The following MARCHF6 variants were observed in gnomAD, a reference collection of about 807,000 sequenced individuals.
The protein encoded by MARCHF6 is membrane associated ring-CH-type finger 6.
Under a neutral mutation model 133.7 loss-of-function variants are expected in MARCHF6, and 31 were observed. That is an observed-to-expected ratio of 0.23 (90% confidence interval 0.17 to 0.31). MARCHF6 has a LOEUF of 0.31. MARCHF6 is among the 10% of genes least tolerant of loss of function. The probability of loss-of-function intolerance (pLI) is 1.00; values close to 1 mark genes in which losing one functional copy is unlikely to be tolerated. For missense variants in MARCHF6, 723 were observed against 1,121.6 expected, an observed-to-expected ratio of 0.64 and a Z score of 5.08; for synonymous variants, 395 against 402.5, an observed-to-expected ratio of 0.98 and a Z score of 0.22.
intron 1 of MARCHF6, among the ~76,000 whole-genome samples, chr5:10,362,996 A>G (rs1260705290): frequency 6.6e-6 from 1 of 152,172 alleles, no homozygotes; most frequent in African/African-American, 2.4e-5. Flanking sequence ...TGTAGGAAAA[A>G]AAAAAGAACT....
chr5:10,426,773 A>G (rs1354289806), intron 24 of MARCHF6, among the ~76,000 whole-genome samples: 1 of 152,350 alleles, frequency 6.6e-6, no homozygotes, highest in Non-Finnish European at 1.5e-5. Context: ...CATGCTGTAC[A>G]AAATAGGCAG....
rs138210526 is a variant in MARCHF6, at chr5:10,357,330, C to T, written c.19+3413C>T. 3.2e-3 allele frequency among the ~76,000 whole-genome samples: 468 copies of T among 148,040 alleles called. 1 individual carries two copies. The highest frequency in any genetic ancestry group is 0.01 in the African/African-American group (417 of 40,124). ...ATTTTGTCATAGAATGCCCACATTT[C>T]GGCTCAGTGATATAAAGCTGAGGTT... is the stretch of plus-strand genomic sequence containing the variant. On this transcript the variant is annotated intron_variant, in intron 1 of 25. Coordinates refer to ENST00000274140, the MANE Select transcript of MARCHF6 (RefSeq NM_005885.4).
chr5:10,356,769 G>A (rs1735501521), intron 1 of MARCHF6, among the ~76,000 whole-genome samples: 1 of 152,026 alleles, frequency 6.6e-6, no homozygotes, highest in South Asian at 2.1e-4. Context: ...CACATCAACC[G>A]TGCGTATAGT....
intron 1 of MARCHF6, among the ~76,000 whole-genome samples, chr5:10,358,374 CAT>C (rs1735610218): frequency 6.6e-6 from 1 of 152,148 alleles, no homozygotes; most frequent in Admixed American, 6.5e-5. Context: ...TGACGTGAGA[CAT>C]AAATTGTCTT....
At chr5:10,355,173 A>T (rs1409197771) in intron 1 of MARCHF6, among the ~76,000 whole-genome samples, 7 of 152,220 alleles carry the variant, frequency 4.6e-5, no homozygotes, top group Admixed American at 4.6e-4. Flanking sequence ...CCCTTTCATT[A>T]TGCCACAGTG....
rs963990436 is a variant in MARCHF6, at chr5:10,435,164, A to T, written c.*1480A>T. ...ATAGACTAAAATCTGAGAATTTTTT[A>T]ACATATGCAAGTCAGCCAAACATAA... On this transcript the variant is annotated 3_prime_UTR_variant, in exon 26 of 26. Transcript: ENST00000274140. 2.0e-5 allele frequency: 3 copies of T among 152,770 alleles called. No homozygotes were observed. The highest frequency in any genetic ancestry group is 6.5e-5 in the Admixed American group (1 of 15,310). 9.5% of individuals were successfully genotyped at this position (152,770 alleles called of 1,614,324 possible).
At chr5:10,382,973 C>T (rs1207165804) in intron 4 of MARCHF6, among the ~76,000 whole-genome samples, 3 of 152,054 alleles carry the variant, frequency 2.0e-5, no homozygotes, top group African/African-American at 7.2e-5. Flanking sequence ...CTCTTGGATT[C>T]TTTGTTGTTC....
chr5:10,390,334 A>G lies in MARCHF6; in HGVS notation c.410A>G (p.Glu137Gly), dbSNP rs1396215933. 1 of 1,607,900 alleles carries G rather than the reference A, an allele frequency of 6.2e-7. No homozygotes were observed. Among genetic ancestry groups the G allele is most frequent in the Non-Finnish European group, 8.5e-7 (1 of 1,178,254 alleles). Residue 137 changes from glutamate to glycine, a missense_variant and splice_region_variant, in exon 6 of 26, where the codon GAA (glutamate) becomes GGA (glycine). Transcript: ENST00000274140. ...LTLPLDMLSTENLLADCLQGC... is the reference protein window; with the variant it reads ...LTLPLDMLSTGNLLADCLQGC... The stretch of plus-strand genomic sequence containing the variant: ...ATATGTACTTTTTTTTTTAATAGGG[A>G]AAATTTGTTGGCAGATTGTTTGCAG...
intron 10 of MARCHF6, among the ~76,000 whole-genome samples, chr5:10,398,136 A>G (rs1738299078): frequency 6.6e-6 from 1 of 152,142 alleles, no homozygotes; most frequent in African/African-American, 2.4e-5. Context: ...TATAGGGATA[A>G]TCTATGAGAA....
At chr5:10,407,871 G>A (rs529423972) in intron 17 of MARCHF6, among the ~76,000 whole-genome samples, 6 of 151,694 alleles carry the variant, frequency 4.0e-5, no homozygotes, top group South Asian at 2.1e-4. Context: ...CAGGAGAATC[G>A]CTTGAACCCA....
intron 3 of MARCHF6, 90 bp downstream of exon 3, chr5:10,378,922 G>A: frequency 4.0e-6 from 3 of 746,618 alleles, no homozygotes; most frequent in East Asian, 2.8e-5. Context: ...AGAGGAAGGG[G>A]GATAAAAGTG....
At chr5:10,408,147 C>T (rs1229543001) in intron 17 of MARCHF6, among the ~76,000 whole-genome samples, 1 of 152,158 alleles carries the variant, frequency 6.6e-6, no homozygotes, top group African/African-American at 2.4e-5. Context: ...TTCTTAAAAT[C>T]TCTTACTAAT....
Position 10,394,797 on chromosome 5 carries a change from T to TA in MARCHF6, c.861+14dup. 1 of 1,507,912 alleles carries TA rather than the reference T, an allele frequency of 6.6e-7. No individual in the cohort carries two copies. The highest frequency in any genetic ancestry group is 9.1e-7 in the Non-Finnish European group (1 of 1,101,352). 93.4% of individuals were successfully genotyped at this position (1,507,912 alleles called of 1,614,324 possible). On this transcript the variant is annotated intron_variant, in intron 9 of 25. Coordinates refer to ENST00000274140, the MANE Select transcript of MARCHF6 (RefSeq NM_005885.4). ...CACTAGTTTTTCTGGTAAGTAAAAC[T>TA]AATTTTTTTTTTTTTTTTTTGAGAC...
intron 1 of MARCHF6, among the ~76,000 whole-genome samples, chr5:10,362,593 G>A (rs926174892): frequency 1.3e-5 from 2 of 152,102 alleles, no homozygotes; most frequent in Admixed American, 6.5e-5. Context: ...TAAAAATAAC[G>A]TTATCTGGAT....
intron 1 of MARCHF6, among the ~76,000 whole-genome samples, chr5:10,371,239 C>T (rs1161855659): frequency 6.6e-6 from 1 of 152,168 alleles, no homozygotes; most frequent in Admixed American, 6.6e-5. Flanking sequence ...ATTACCCTAC[C>T]CCTTTCAACC....
Position 10,433,941 on chromosome 5 carries a change from G to C in MARCHF6, c.*257G>C, listed in dbSNP as rs1027236484. On this transcript the variant is annotated 3_prime_UTR_variant, in exon 26 of 26. Transcript: ENST00000274140. ...CCTAAAACCTTGGATTAAACAGAAT[G>C]TGCATTGTACATCTTTAAACAAAAT... 1.3e-5 allele frequency: 6 copies of C among 444,736 alleles called. No homozygotes were observed. The highest frequency in any genetic ancestry group is 1.2e-4 in the African/African-American group (6 of 50,132). The allele number at this position is 444,736 out of a possible 1,614,324, so 27.5% of individuals were successfully genotyped here. A position where few individuals can be genotyped will look rare whatever the true frequency, so the allele number is the denominator to read the frequency against.
intron 23 of MARCHF6, among the ~76,000 whole-genome samples, chr5:10,424,739 C>T (rs1419918984): frequency 1.3e-5 from 2 of 151,966 alleles, no homozygotes; most frequent in African/African-American, 4.8e-5. Flanking sequence ...GGTTATTGCT[C>T]GAGGTAATAA....
In MARCHF6 at chr5:10,415,632, G is replaced by A. The variant is rs1248186635; in HGVS notation, c.2111G>A (p.Arg704Lys). 6.2e-7 allele frequency: 1 copy of A among 1,614,054 alleles called. No homozygotes were observed. The highest frequency in any genetic ancestry group is 1.3e-5 in the African/African-American group (1 of 74,928). Residue 704 changes from arginine (R) to lysine (K), a missense_variant, in exon 21 of 26, where the codon AGA (arginine) becomes AAA (lysine). Around this residue, in one of 4 missense-constraint regions of MARCHF6, gnomAD observed 492 missense variants for 699.5 expected, o/e 0.70. Coordinates refer to ENST00000274140, the MANE Select transcript of MARCHF6 (RefSeq NM_005885.4). ...GTGGCATGGATGCCTCAGGGACGCAGAGTGATCTTCCAGAAGGTTAAAGAG... is the reference window on the plus strand; with the variant it reads ...GTGGCATGGATGCCTCAGGGACGCAAAGTGATCTTCCAGAAGGTTAAAGAG... ...VMVAWMPQGR[R>K]VIFQKVKEWS...
chr5:10,353,782 C>G lies in MARCHF6; in HGVS notation c.-117C>G, dbSNP rs1397754403. ...CCCTCTCCTTCCTCTCGCTTCCTCT[C>G]TCGCACCTGAGCGTACGCACCTGCC... On this transcript the variant is annotated 5_prime_UTR_variant, in exon 1 of 26. Transcript: ENST00000274140. The G allele has an allele frequency of 2.3e-6, 2 of 859,600 alleles. No individual in the cohort carries two copies. The highest frequency in any genetic ancestry group is 1.8e-5 in the African/African-American group (1 of 56,618). 53.2% of individuals were successfully genotyped at this position (859,600 alleles called of 1,614,324 possible). A position where few individuals can be genotyped will look rare whatever the true frequency, so the allele number is the denominator to read the frequency against.
Sources: allele counts gnomAD v4.1 joint callset (sites outside exome capture counted in the v4.1 genomes callset), GRCh38; gene constraint gnomAD v4.1.1; regional missense constraint gnomAD v4.1.1; transcripts MANE v1.5; gene names NCBI Gene and HGNC (gene_info 2026-07-23, HGNC 2026-07-21).